Variants in BTNL2 observed in about 807,000 individuals in gnomAD.
BTNL2 encodes the protein butyrophilin like 2.
BTNL2 carries 46 observed loss-of-function variants against 46.8 expected under a neutral mutation model. That is an observed-to-expected ratio of 0.98 (90% CI 0.78 to 1.26). BTNL2 has a LOEUF of 1.26. BTNL2 is among the 50% of genes most tolerant of loss of function. The pLI, the probability that BTNL2 is intolerant of heterozygous loss-of-function variation, is 0.00. For missense variants in BTNL2, 461 were observed against 592.6 expected (o/e 0.78, Z 2.31); for synonymous variants, 226 against 229.1 (o/e 0.99, Z 0.12).
At position 32,405,280 on chromosome 6, in the gene BTNL2, A is replaced by C; in HGVS notation, c.86T>G (p.Phe29Cys). ...ILLTMKQSEDFRVIGPAHPIL... is the reference protein window; with the variant it reads ...ILLTMKQSEDCRVIGPAHPIL... ...AGGATGAGCAGGGCCAATGACTCTA[A>C]AGTCTTCTATAAAATAAGTGAAAAA... The change falls in exon 2 of 8, where the codon TTT becomes TGT. Residue 29 changes from phenylalanine (F) to cysteine (C), a missense_variant. Phe to Cys is a radical substitution (Grantham distance 205). Coordinates refer to ENST00000454136, the MANE Select transcript of BTNL2 (RefSeq NM_001304561.2). 2 of 1,612,964 alleles carry C rather than the reference A, an allele frequency of 1.2e-6. No homozygotes were observed. The highest frequency in any genetic ancestry group is 1.7e-6 in the Non-Finnish European group (2 of 1,180,004).
chr6:32,400,348 A>T (rs1166999920), intron 4 of BTNL2, among the ~76,000 whole-genome samples: 2 of 152,306 alleles, frequency 1.3e-5, no homozygotes, highest in East Asian at 3.9e-4. Flanking sequence ...CCTAAAGCAC[A>T]CACATGGATA....
chr6:32,406,992 G>C (rs1160576755), intron 1 of BTNL2, 53 bp downstream of exon 1: 1 of 1,547,846 alleles, frequency 6.5e-7, no homozygotes, highest in African/African-American at 1.4e-5. Flanking sequence ...TTTGGACCCA[G>C]ACTAGCTCAC....
Position 32,399,854 on chromosome 6 carries a change from G to C in BTNL2, c.730+1931C>G, listed in dbSNP as rs117182873. ...ATTTCAGTCTTAGGACTTCCATAGA[G>C]AGCTGGGTGTCCCATCATTAGAGCT... On this transcript the variant is annotated intron_variant, in intron 4 of 7. Coordinates refer to ENST00000454136, the MANE Select transcript of BTNL2 (RefSeq NM_001304561.2). The surrounding 1 kb of genome is among the most constrained non-coding windows in gnomAD (Gnocchi z 5.2). Among the ~76,000 whole-genome samples the C allele has an allele frequency of 6.6e-6, 1 of 152,102 alleles. No individual in the cohort carries two copies. Among genetic ancestry groups the C allele is most frequent in the African/African-American group, 2.4e-5 (1 of 41,412 alleles).
rs17208755 is a variant in BTNL2, at chr6:32,393,806, T to C, written c.*6+157A>G. ...CATGCATCACTGAGCCTGGATTGCATGATAAGCCCTGGGCTTTCCTGTTTC... is the reference window on the plus strand; with the variant it reads ...CATGCATCACTGAGCCTGGATTGCACGATAAGCCCTGGGCTTTCCTGTTTC... On this transcript the variant is annotated intron_variant, in intron 7 of 7. Transcript: ENST00000454136. The surrounding 1 kb of genome is among the most constrained non-coding windows in gnomAD (Gnocchi z 4.8). 1.9e-6 allele frequency: 2 copies of C among 1,027,896 alleles called. No homozygotes were observed. The highest frequency in any genetic ancestry group is 6.4e-5 in the Admixed American group (2 of 31,238). The allele number at this position is 1,027,896 out of a possible 1,614,324, so 63.7% of individuals were successfully genotyped here. A position where few individuals can be genotyped will look rare whatever the true frequency, so the allele number is the denominator to read the frequency against.
chr6:32,401,792 A>T lies in BTNL2; in HGVS notation c.723T>A (p.Thr241=), dbSNP rs1039609591. The T allele has an allele frequency of 1.2e-6, 2 of 1,612,010 alleles. No homozygotes were observed. The highest frequency in any genetic ancestry group is 3.3e-5 in the Admixed American group (2 of 59,966). ...CCAGCACCTCGTACTTACCCAGCTC[A>T]GTCTGGAGTTTCTCTGGAAAAAGAA... ...SVISLPEKLQ[T]ELASLKVNGP... is the part of the protein sequence containing the mutation. Residue 241 remains threonine, a synonymous_variant, in exon 4 of 8, where the codon ACT becomes ACA. Transcript: ENST00000454136.
chr6:32,398,676 G>T (rs968672858), intron 4 of BTNL2, among the ~76,000 whole-genome samples: 1 of 152,104 alleles, frequency 6.6e-6, no homozygotes, highest in African/African-American at 2.4e-5. Flanking sequence ...TCTTAAACTG[G>T]CTTGCCCTGC....
intron 3 of BTNL2, among the ~76,000 whole-genome samples, chr6:32,402,080 C>T (rs559971621): frequency 0.018 from 2,666 of 152,176 alleles, 75 homozygotes; most frequent in East Asian, 0.11. Context: ...TAGCTATCAG[C>T]ATGAAAATAA....
chr6:32,394,931 G>A lies in BTNL2; in HGVS notation c.1173C>T (p.His391=), dbSNP rs372801776. ...TTCCTTCCATGTCCCTCCATGGCAC[G>A]TGGGGCTGTGGGAACCACCCATCTG... ...CSSDGWFPQP[H]VPWRDMEGKT... The change falls in exon 6 of 8, where the codon CAC becomes CAT. Residue 391 remains histidine (H), a synonymous_variant. Transcript: ENST00000454136. The surrounding 1 kb of genome is among the most constrained non-coding windows in gnomAD (Gnocchi z 4.6). The A allele has an allele frequency of 4.8e-5, 77 of 1,614,034 alleles. No homozygotes were observed. Among genetic ancestry groups the A allele is most frequent in the Non-Finnish European group, 5.8e-5 (69 of 1,180,010 alleles).
At chr6:32,404,368 T>A (rs563000522) in intron 2 of BTNL2, among the ~76,000 whole-genome samples, 2 of 152,262 alleles carry the variant, frequency 1.3e-5, no homozygotes, top group African/African-American at 4.8e-5. Context: ...AACAGCAATA[T>A]GAAGAACCTT....
chr6:32,397,783 A>G (rs1235931618), intron 4 of BTNL2, among the ~76,000 whole-genome samples: 1 of 152,158 alleles, frequency 6.6e-6, no homozygotes, highest in African/African-American at 2.4e-5. Context: ...TGACGTGGTA[A>G]TAGGGAGGGG....
In BTNL2 at chr6:32,396,660, C is replaced by T. The variant is rs1000304271; in HGVS notation, c.731-274G>A. Among the ~76,000 whole-genome samples the T allele has an allele frequency of 6.6e-6, 1 of 151,936 alleles. No homozygotes were observed. Among genetic ancestry groups the T allele is most frequent in the Non-Finnish European group, 1.5e-5 (1 of 67,984 alleles). On this transcript the variant is annotated intron_variant, in intron 4 of 7. Transcript: ENST00000454136. The surrounding 1 kb of genome is among the most constrained non-coding windows in gnomAD (Gnocchi z 4.4). Reference sequence around the variant, plus strand: ...ACCTGTATTTTTTTCAGTTTACAGACCAATAATAAAATAATTTTGCAATTA... The same window carrying T: ...ACCTGTATTTTTTTCAGTTTACAGATCAATAATAAAATAATTTTGCAATTA...
chr6:32,398,426 C>T (rs1455421831), intron 4 of BTNL2, among the ~76,000 whole-genome samples: 1 of 152,148 alleles, frequency 6.6e-6, no homozygotes, highest in Non-Finnish European at 1.5e-5. Flanking sequence ...CAGTTATTTC[C>T]AGCATTTTGT....
rs1777039644 is a variant in BTNL2 at position 32,405,088 on chromosome 6, C to T, written c.278G>A (p.Gly93Asp). The stretch of plus-strand genomic sequence containing the variant: ...GCCATTCTCTATCCACTCTACCCAG[C>T]CTCTGTACTCCTCCATCTGCATCTC... ...VTEMQMEEYR[G>D]WVEWIENGIA... The change falls in exon 2 of 8, where the codon GGC (glycine) becomes GAC (aspartate). Residue 93 changes from glycine to aspartate, a missense_variant. Physicochemically the swap from Gly to Asp is moderately conservative, Grantham distance 94. Transcript: ENST00000454136. 2 of 1,612,950 alleles carry T rather than the reference C, an allele frequency of 1.2e-6. No homozygotes were observed. Among genetic ancestry groups the T allele is most frequent in the Non-Finnish European group, 1.7e-6 (2 of 1,180,046 alleles).
Position 32,401,969 on chromosome 6 carries a change from T to C in BTNL2, c.710-164A>G, listed in dbSNP as rs150163650. On this transcript the variant is annotated intron_variant, in intron 3 of 7. Coordinates refer to ENST00000454136, the MANE Select transcript of BTNL2 (RefSeq NM_001304561.2). ...TGATTCTTTCCCACAGATTACCCAA[T>C]GATACAGCTTTTTTTCCTTTTCTCT... 2.0e-3 allele frequency among the ~76,000 whole-genome samples: 300 copies of C among 152,344 alleles called. 1 individual carries two copies. Among genetic ancestry groups the C allele is most frequent in the African/African-American group, 6.3e-3 (261 of 41,590 alleles).
rs1244772140 is a variant in BTNL2 at position 32,403,272 on chromosome 6, G to C, written c.428-56C>G. Reference sequence around the variant, plus strand: ...AGAGCCCACAGAGGCAGAAATCACAGAGGCTGAGATCCCAGTGACGTTGCT... The same window carrying C: ...AGAGCCCACAGAGGCAGAAATCACACAGGCTGAGATCCCAGTGACGTTGCT... On this transcript the variant is annotated intron_variant, in intron 2 of 7. Transcript: ENST00000454136. 4 of 1,529,410 alleles carry C rather than the reference G, an allele frequency of 2.6e-6. No homozygotes were observed. In the African/African-American group the frequency reaches 5.5e-5, roughly 21 times the overall value. The allele number at this position is 1,529,410 out of a possible 1,614,324, so 94.7% of individuals were successfully genotyped here.
In BTNL2 at chr6:32,394,409, T is replaced by C. The variant is rs1776315085; in HGVS notation, c.1360+335A>G. 1.3e-5 allele frequency among the ~76,000 whole-genome samples: 2 copies of C among 152,108 alleles called. No individual in the cohort carries two copies. The highest frequency in any genetic ancestry group is 1.9e-4 in the East Asian group (1 of 5,200). ...TTCTAATCCAGAAGAAAATCCTCCA[T>C]GAGGGGGAAAACACAAAGTTCTGTA... On this transcript the variant is annotated intron_variant, in intron 6 of 7. Coordinates refer to ENST00000454136, the MANE Select transcript of BTNL2 (RefSeq NM_001304561.2). The surrounding 1 kb of genome is among the most constrained non-coding windows in gnomAD (Gnocchi z 4.6).
chr6:32,405,395 T>C (rs764008949), intron 1 of BTNL2, 109 bp from the exon 2 acceptor site: 1 of 970,348 alleles, frequency 1.0e-6, no homozygotes, highest in South Asian at 1.4e-5. Flanking sequence ...GAGGGAGAGA[T>C]ATATGTTTAA....
chr6:32,395,942 A>T (rs1298558916), intron 5 of BTNL2, 97 bp downstream of exon 5: 6 of 1,002,392 alleles, frequency 6.0e-6, no homozygotes, highest in Non-Finnish European at 8.8e-6. Context: ...AATAAGCATT[A>T]AGAAAATTTC....
intron 5 of BTNL2, among the ~76,000 whole-genome samples, chr6:32,395,240 G>A (rs117633741): frequency 0.012 from 1,853 of 152,230 alleles, 65 homozygotes; most frequent in East Asian, 0.11. Context: ...ATCATTCTGG[G>A]ATGATTAAGA....
Sources: gnomAD v4.1 joint callset for allele counts (sites outside exome capture counted in the v4.1 genomes callset) on GRCh38, gnomAD v4.1.1 for gene constraint, Gnocchi (gnomAD v3.1) non-coding constraint, MANE v1.5 for transcripts, NCBI Gene and HGNC (gene_info 2026-07-23, HGNC 2026-07-21) for gene names.